The following MKX variants were observed in gnomAD, a reference collection of about 807,000 sequenced individuals.
MKX encodes the protein mohawk homeobox.
MKX carries 13 observed loss-of-function variants against 36.0 expected under a neutral mutation model. The ratio of observed to expected loss-of-function variants is 0.36; its 90% CI spans 0.24 to 0.57. The LOEUF (loss-of-function observed/expected upper bound fraction) is 0.57. Ranked by LOEUF, MKX falls within the 20% of genes least tolerant of loss-of-function variation. MKX has a pLI of 0.79. For synonymous variants in MKX, 176 were observed against 178.3 expected (o/e 0.99, Z 0.10); for missense variants, 458 against 456.4 (o/e 1.00, Z -0.03).
chr10:27,679,814 AT>A (rs1288327782), intron 5 of MKX, among the ~76,000 whole-genome samples: 2 of 151,392 alleles, frequency 1.3e-5, no homozygotes, highest in Admixed American at 6.6e-5. Flanking sequence ...AAGTGTTGTA[AT>A]TTTTTTTTCT....
intron 5 of MKX, among the ~76,000 whole-genome samples, chr10:27,729,452 G>A (rs912697922): frequency 1.3e-5 from 2 of 151,884 alleles, no homozygotes; most frequent in Non-Finnish European, 2.9e-5. Context: ...TCACAGGCGC[G>A]CTCCACCATG....
intron 3 of MKX, 44 bp from the exon 4 acceptor site, chr10:27,735,418 A>T (rs182085022): frequency 1.2e-5 from 18 of 1,537,622 alleles, no homozygotes; most frequent in Middle Eastern, 3.4e-4. Flanking sequence ...TAAAAACATT[A>T]TCCATGGTGC....
chr10:27,727,993 G>T (rs1834529546), intron 5 of MKX, among the ~76,000 whole-genome samples: 2 of 152,186 alleles, frequency 1.3e-5, no homozygotes, highest in South Asian at 4.1e-4. Flanking sequence ...GATGGCCTTT[G>T]TTAGGTAAGG....
At chr10:27,713,864 T>C (rs1466261264) in intron 5 of MKX, among the ~76,000 whole-genome samples, 4 of 152,044 alleles carry the variant, frequency 2.6e-5, no homozygotes, top group Non-Finnish European at 5.9e-5. Context: ...AACAATGGCG[T>C]TCTGCTTTAG....
At chr10:27,705,586 C>T (rs1836733425) in intron 5 of MKX, among the ~76,000 whole-genome samples, 1 of 152,058 alleles carries the variant, frequency 6.6e-6, no homozygotes, top group South Asian at 2.1e-4. Context: ...AACTCATGGC[C>T]CCAAGCAATC....
At chr10:27,699,553 A>G (rs967592669) in intron 5 of MKX, among the ~76,000 whole-genome samples, 5 of 152,244 alleles carry the variant, frequency 3.3e-5, no homozygotes, top group African/African-American at 1.2e-4. Context: ...ATGGAACCAC[A>G]GTTGTAATCT....
chr10:27,674,851 A>G lies in MKX; in HGVS notation c.*378T>C, dbSNP rs748004675. ...AAGGGCTTTCAGCGATTCTGGTTTC[A>G]GTCCTGGAATGATTAGGCCCGTCTG... On this transcript the variant is annotated 3_prime_UTR_variant, in exon 7 of 7. Transcript: ENST00000419761. 6.3e-6 allele frequency: 1 copy of G among 158,598 alleles called. No individual in the cohort carries two copies. The highest frequency in any genetic ancestry group is 1.4e-5 in the Non-Finnish European group (1 of 72,274). 9.8% of individuals were successfully genotyped at this position (158,598 alleles called of 1,614,324 possible).
At chr10:27,706,204 A>C (rs921302732) in intron 5 of MKX, among the ~76,000 whole-genome samples, 1 of 152,194 alleles carries the variant, frequency 6.6e-6, no homozygotes, top group Admixed American at 6.5e-5. Context: ...AGCATGTGTC[A>C]GAATTTCCTT....
rs1836100212 is a variant in MKX at position 27,674,191 on chromosome 10, C to T, written c.*1038G>A. 6.6e-6 allele frequency: 1 copy of T among 152,100 alleles called. No individual in the cohort carries two copies. The highest frequency in any genetic ancestry group is 2.1e-4 in the South Asian group (1 of 4,830). 9.4% of individuals were successfully genotyped at this position (152,100 alleles called of 1,614,324 possible). On this transcript the variant is annotated 3_prime_UTR_variant, in exon 7 of 7. Coordinates refer to ENST00000419761, the MANE Select transcript of MKX (RefSeq NM_173576.3). ...TTCAAACTGTTCAATGTTTTGTTTT[C>T]CATATGTTTTAAATTTAAAAATCAA...
intron 5 of MKX, among the ~76,000 whole-genome samples, chr10:27,717,616 CA>C (rs1564359516): frequency 6.6e-6 from 1 of 152,196 alleles, no homozygotes; most frequent in Non-Finnish European, 1.5e-5. Context: ...ACAGGATATA[CA>C]GAAACATTGG....
At position 27,741,595 on chromosome 10, in the gene MKX, C is replaced by T. The variant is rs1834899040; in HGVS notation, c.189-91G>A. On this transcript the variant is annotated intron_variant, in intron 2 of 6. Coordinates refer to ENST00000419761, the MANE Select transcript of MKX (RefSeq NM_173576.3). The surrounding 1 kb of genome is among the most constrained non-coding windows in gnomAD (Gnocchi z 5.1). ...CCCGGCCAAGCCCGGGCCCCGCATC[C>T]AAACTGCGCATTCCTGCCTTGCGCC... The T allele has an allele frequency of 1.4e-6, 2 of 1,413,336 alleles. No individual in the cohort carries two copies. The highest frequency in any genetic ancestry group is 2.9e-5 in the African/African-American group (2 of 69,338). The allele number at this position is 1,413,336 out of a possible 1,614,324, so 87.5% of individuals were successfully genotyped here.
intron 5 of MKX, among the ~76,000 whole-genome samples, chr10:27,703,926 C>G (rs1836707151): frequency 6.6e-6 from 1 of 151,834 alleles, no homozygotes; most frequent in South Asian, 2.1e-4. Context: ...AAATGATCAG[C>G]AAATTTATGA....
chr10:27,704,879 A>G (rs1836721281), intron 5 of MKX, among the ~76,000 whole-genome samples: 1 of 152,202 alleles, frequency 6.6e-6, no homozygotes, highest in Admixed American at 6.5e-5. Context: ...CATAAGGAAA[A>G]AATCTTTATT....
At chr10:27,739,664 A>T (rs1834852061) in intron 3 of MKX, among the ~76,000 whole-genome samples, 1 of 152,162 alleles carries the variant, frequency 6.6e-6, no homozygotes, top group African/African-American at 2.4e-5. Flanking sequence ...CCTAATGACA[A>T]ATGCTACTTC....
intron 5 of MKX, among the ~76,000 whole-genome samples, chr10:27,730,055 CAT>C (rs1834590469): frequency 6.6e-6 from 1 of 152,000 alleles, no homozygotes; most frequent in Non-Finnish European, 1.5e-5. Flanking sequence ...GCTAAGCTCA[CAT>C]GATAAAAACA....
At chr10:27,706,208 T>C (rs933891139) in intron 5 of MKX, among the ~76,000 whole-genome samples, 3 of 152,162 alleles carry the variant, frequency 2.0e-5, no homozygotes, top group African/African-American at 7.2e-5. Flanking sequence ...TGTGTCAGAA[T>C]TTCCTTCCTC....
intron 5 of MKX, among the ~76,000 whole-genome samples, chr10:27,718,142 C>T (rs1443354476): frequency 1.3e-5 from 2 of 152,050 alleles, no homozygotes; most frequent in African/African-American, 4.8e-5. Context: ...ATCTCATTCA[C>T]AGTCAAACAA....
intron 5 of MKX, among the ~76,000 whole-genome samples, chr10:27,686,419 AAGGAAG>A (rs1836353293): frequency 6.9e-6 from 1 of 145,802 alleles, no homozygotes; most frequent in Non-Finnish European, 1.5e-5. Flanking sequence ...GGAAGGAAGG[AAGGAAG>A]GAAGGAAGGA....
chr10:27,740,995 T>C (rs1344588527), intron 3 of MKX, among the ~76,000 whole-genome samples: 1 of 152,168 alleles, frequency 6.6e-6, no homozygotes, highest in Non-Finnish European at 1.5e-5. Context: ...GAGATGCAAA[T>C]GATGGTCTCA....
Sources: gnomAD v4.1 joint callset for allele counts (sites outside exome capture counted in the v4.1 genomes callset) on GRCh38, gnomAD v4.1.1 for gene constraint, Gnocchi (gnomAD v3.1) non-coding constraint, MANE v1.5 for transcripts, NCBI Gene and HGNC (gene_info 2026-07-23, HGNC 2026-07-21) for gene names.